The following LYPD6B variants were observed in gnomAD, a reference collection of about 807,000 sequenced individuals.
The protein encoded by LYPD6B is LY6/PLAUR domain containing 6B, also known as ly6/PLAUR domain-containing protein 6B.
A neutral mutation model predicts 22.8 loss-of-function variants in LYPD6B; 17 were observed. That is an observed-to-expected ratio of 0.75 (90% CI 0.51 to 1.12). The LOEUF (loss-of-function observed/expected upper bound fraction) is 1.12. Among genes scored for constraint, LYPD6B ranks in the 50% most tolerant of loss-of-function variants. The probability of loss-of-function intolerance (pLI) is 0.00; values close to 1 mark genes in which losing one functional copy is unlikely to be tolerated. For synonymous variants in LYPD6B, 106 were observed against 91.6 expected (o/e 1.16, Z -0.90); for missense variants, 221 against 258.3 (o/e 0.86, Z 0.99).
At chr2:149,098,705 C>G (rs1249944560) in intron 1 of LYPD6B, among the ~76,000 whole-genome samples, 1 of 148,846 alleles carries the variant, frequency 6.7e-6, no homozygotes. Flanking sequence ...TTATCTATTG[C>G]ATGAGTACAT....
Position 149,163,465 on chromosome 2 carries a change from C to G in LYPD6B, c.77+2630C>G, listed in dbSNP as rs145341836. 1.9e-3 allele frequency among the ~76,000 whole-genome samples: 285 copies of G among 152,272 alleles called. 2 individuals carry two copies. Among genetic ancestry groups the G allele is most frequent in the African/African-American group, 6.4e-3 (266 of 41,572 alleles). ...AACAGAAGAACAAACAAGTAATGCACAGACAAAGGCTACCGGGCTTGTGTA... is the reference window on the plus strand; with the variant it reads ...AACAGAAGAACAAACAAGTAATGCAGAGACAAAGGCTACCGGGCTTGTGTA... On this transcript the variant is annotated intron_variant, in intron 3 of 6. Coordinates refer to ENST00000409642, the MANE Select transcript of LYPD6B (RefSeq NM_177964.5).
intron 1 of LYPD6B, among the ~76,000 whole-genome samples, chr2:149,128,414 A>G (rs1687830216): frequency 6.6e-6 from 1 of 152,212 alleles, no homozygotes; most frequent in Non-Finnish European, 1.5e-5. Context: ...ATACTTTCTG[A>G]AAACTGCTTC....
chr2:149,213,394 G>A (rs547918203), intron 6 of LYPD6B, among the ~76,000 whole-genome samples: 45 of 152,030 alleles, frequency 3.0e-4, no homozygotes, highest in African/African-American at 9.2e-4. Flanking sequence ...CAGAGACTCC[G>A]TACAAACATA....
At chr2:149,071,694 G>C (rs1684610214) in intron 1 of LYPD6B, among the ~76,000 whole-genome samples, 1 of 152,156 alleles carries the variant, frequency 6.6e-6, no homozygotes, top group Non-Finnish European at 1.5e-5. Context: ...TCCCCTAGTA[G>C]TCCAACGAGG....
intron 2 of LYPD6B, among the ~76,000 whole-genome samples, chr2:149,137,189 G>A (rs1253278216): frequency 1.3e-5 from 2 of 152,142 alleles, no homozygotes; most frequent in African/African-American, 4.8e-5. Context: ...AGTCAAAGAG[G>A]GGGAACTGGA....
intron 1 of LYPD6B, among the ~76,000 whole-genome samples, chr2:149,097,554 G>A (rs1282222268): frequency 6.6e-6 from 1 of 152,192 alleles, no homozygotes; most frequent in Non-Finnish European, 1.5e-5. Flanking sequence ...ACCTCCGTTG[G>A]GGGCTGCTGG....
chr2:149,100,727 T>C (rs1558997445), intron 1 of LYPD6B, among the ~76,000 whole-genome samples: 2 of 152,242 alleles, frequency 1.3e-5, no homozygotes. Context: ...ACTTGTTAAG[T>C]TGGTGGCTTT....
intron 2 of LYPD6B, chr2:149,131,295 G>T: frequency 4.2e-6 from 1 of 238,160 alleles, no homozygotes; most frequent in Non-Finnish European, 8.0e-6. Context: ...GCATGAAAGT[G>T]CTTCAGATGG....
intron 1 of LYPD6B, among the ~76,000 whole-genome samples, chr2:149,098,001 T>G (rs1249206705): frequency 6.6e-6 from 1 of 152,200 alleles, no homozygotes; most frequent in East Asian, 1.9e-4. Context: ...TACACTTTTT[T>G]ATTACTTTGG....
chr2:149,175,995 A>G (rs1202750590), intron 3 of LYPD6B, among the ~76,000 whole-genome samples: 1 of 152,236 alleles, frequency 6.6e-6, no homozygotes, highest in African/African-American at 2.4e-5. Flanking sequence ...CTCTAAAATA[A>G]TAATAAAATA....
At position 149,208,334 on chromosome 2, in the gene LYPD6B, T is replaced by G. The variant is rs753407336; in HGVS notation, c.250T>G (p.Phe84Val). ...TAAAGCTACACCATTTCCAAATAGC[T>G]TCAAGTGCTTTACTTGTGAAAACGC... Reference protein sequence around the residue: ...PLDPTPFPNSFKCFTCENAGD... With the variant: ...PLDPTPFPNSVKCFTCENAGD... Residue 84 changes from phenylalanine (F) to valine (V), a missense_variant, in exon 5 of 7, where the codon TTC (phenylalanine) becomes GTC (valine). Physicochemically the swap from Phe to Val is conservative, Grantham distance 50. Transcript: ENST00000409642. 9 of 1,613,696 alleles carry G rather than the reference T, an allele frequency of 5.6e-6. No individual in the cohort carries two copies. Among genetic ancestry groups the G allele is most frequent in the Non-Finnish European group, 6.8e-6 (8 of 1,179,652 alleles).
chr2:149,099,352 C>A (rs987180785), intron 1 of LYPD6B, among the ~76,000 whole-genome samples: 1 of 152,038 alleles, frequency 6.6e-6, no homozygotes, highest in African/African-American at 2.4e-5. Context: ...GACTGCCAGA[C>A]CCTTACAGTC....
In LYPD6B at chr2:149,135,291, T is replaced by C. The variant is rs533198507; in HGVS notation, c.5+4338T>C. On this transcript the variant is annotated intron_variant, in intron 2 of 6. Coordinates refer to ENST00000409642, the MANE Select transcript of LYPD6B (RefSeq NM_177964.5). Reference sequence around the variant, plus strand: ...ATAGATTACTTGCAGTTGTGTCTGATTTTCCCAGGGTCCCTTTGTAATGTC... The same window carrying C: ...ATAGATTACTTGCAGTTGTGTCTGACTTTCCCAGGGTCCCTTTGTAATGTC... Among the ~76,000 whole-genome samples, 9 of 152,012 alleles carry C rather than the reference T, an allele frequency of 5.9e-5. No homozygotes were observed. The South Asian group carries it at 1.9e-3, about 32-fold the overall frequency.
At chr2:149,173,343 T>C (rs1690988319) in intron 3 of LYPD6B, among the ~76,000 whole-genome samples, 1 of 134,602 alleles carries the variant, frequency 7.4e-6, no homozygotes. Flanking sequence ...CTTTAGTCTG[T>C]CAGGCCTTTT....
At chr2:149,053,444 C>T (rs748111219) in intron 1 of LYPD6B, among the ~76,000 whole-genome samples, 1 of 152,144 alleles carries the variant, frequency 6.6e-6, no homozygotes, top group Non-Finnish European at 1.5e-5. Context: ...TAATTATTTA[C>T]TGAGGTTAAA....
At chr2:149,071,900 G>A (rs1402256663) in intron 1 of LYPD6B, among the ~76,000 whole-genome samples, 4 of 152,196 alleles carry the variant, frequency 2.6e-5, no homozygotes, top group African/African-American at 7.2e-5. Context: ...TTGTTTTGCT[G>A]GTAACATTCC....
chr2:149,212,504 A>G (rs1252795745), intron 5 of LYPD6B, among the ~76,000 whole-genome samples: 1 of 151,686 alleles, frequency 6.6e-6, no homozygotes, highest in African/African-American at 2.4e-5. Flanking sequence ...CCTGCTTTTC[A>G]CCCCAGCTCA....
At chr2:149,144,832 A>T (rs1688916439) in intron 2 of LYPD6B, among the ~76,000 whole-genome samples, 1 of 152,304 alleles carries the variant, frequency 6.6e-6, no homozygotes, top group Admixed American at 6.5e-5. Context: ...TTTCCACTTG[A>T]CGTGCCTTCA....
At chr2:149,211,290 T>C (rs1298587247) in intron 5 of LYPD6B, among the ~76,000 whole-genome samples, 1 of 152,114 alleles carries the variant, frequency 6.6e-6, no homozygotes, top group Non-Finnish European at 1.5e-5. Context: ...TCAAACCATA[T>C]CAATTGCCAC....
Sources: allele counts gnomAD v4.1 joint callset (sites outside exome capture counted in the v4.1 genomes callset), GRCh38; gene constraint gnomAD v4.1.1; transcripts MANE v1.5; gene names NCBI Gene and HGNC (gene_info 2026-07-23, HGNC 2026-07-21).